Variants in EFCAB11 observed in about 807,000 individuals in gnomAD.
The protein encoded by EFCAB11 is EF-hand calcium-binding domain-containing protein 11.
EFCAB11 carries 14 observed loss-of-function variants against 23.0 expected under a neutral mutation model. That is an observed-to-expected ratio of 0.61 (90% CI 0.40 to 0.95). The LOEUF (loss-of-function observed/expected upper bound fraction) is 0.95, where lower values mean the gene tolerates loss of function less well. Among genes scored for constraint, EFCAB11 ranks in the 40% least tolerant of loss-of-function variants. EFCAB11 has a pLI of 0.00. For synonymous variants in EFCAB11, 65 were observed against 66.6 expected (o/e 0.98, Z 0.11); for missense variants, 198 against 195.8 (o/e 1.01, Z -0.07).
At chr14:89,808,814 A>G (rs965484897) in intron 5 of EFCAB11, among the ~76,000 whole-genome samples, 3 of 152,238 alleles carry the variant, frequency 2.0e-5, no homozygotes, top group African/African-American at 7.2e-5. Context: ...AGAGAATTTC[A>G]GTCTAAAGAG....
At chr14:89,940,692 A>G (rs1268142252) in intron 3 of EFCAB11, among the ~76,000 whole-genome samples, 1 of 152,270 alleles carries the variant, frequency 6.6e-6, no homozygotes, top group Non-Finnish European at 1.5e-5. Context: ...TGGCAATAGT[A>G]TAAGGAAACA....
chr14:89,853,649 T>C (rs550253784), intron 5 of EFCAB11, among the ~76,000 whole-genome samples: 1 of 152,336 alleles, frequency 6.6e-6, no homozygotes, highest in African/African-American at 2.4e-5. Flanking sequence ...ATAAAAGGGA[T>C]ACCAAGAATA....
At chr14:89,843,975 T>A (rs1566781149) in intron 5 of EFCAB11, among the ~76,000 whole-genome samples, 1 of 152,220 alleles carries the variant, frequency 6.6e-6, no homozygotes, top group Non-Finnish European at 1.5e-5. Context: ...TGTCAGTTGT[T>A]TTCCTTGAAA....
intron 5 of EFCAB11, among the ~76,000 whole-genome samples, chr14:89,898,257 T>C (rs771064088): frequency 3.9e-5 from 6 of 152,190 alleles, no homozygotes; most frequent in African/African-American, 1.2e-4. Context: ...CACATGCTCT[T>C]TGAGGCTCTT....
chr14:89,952,139 T>C (rs760863311), intron 2 of EFCAB11, among the ~76,000 whole-genome samples: 3 of 152,178 alleles, frequency 2.0e-5, no homozygotes, highest in South Asian at 2.1e-4. Flanking sequence ...AAGTTCATTG[T>C]ACAAATGACT....
At chr14:89,892,054 G>T (rs1888988193) in intron 5 of EFCAB11, 3 of 1,539,552 alleles carry the variant, frequency 1.9e-6, no homozygotes, top group South Asian at 2.4e-5. Flanking sequence ...GGAATGTGGT[G>T]GGTGTCCTGC....
chr14:89,953,835 T>C, intron 2 of EFCAB11, 71 bp downstream of exon 2: 2 of 1,288,118 alleles, frequency 1.6e-6, no homozygotes, highest in East Asian at 2.3e-5. Context: ...AAGCTAGCCC[T>C]GTGAACTTTT....
rs1251256117 is a variant in EFCAB11, at chr14:89,795,683, GTTTATT to G, written c.*1554_*1559del. 1 of 151,900 alleles carries G rather than the reference GTTTATT, an allele frequency of 6.6e-6. No individual in the cohort carries two copies. Among genetic ancestry groups the G allele is most frequent in the East Asian group, 1.9e-4 (1 of 5,172 alleles). The allele number at this position is 151,900 out of a possible 1,614,324, so 9.4% of individuals were successfully genotyped here. A position where few individuals can be genotyped will look rare whatever the true frequency, so the allele number is the denominator to read the frequency against. The stretch of plus-strand genomic sequence containing the variant: ...TCTGTCTCAAAAAAAACCCGCAAAC[GTTTATT>G]TTTATTAAGGTTATCTGCTAATAAT... On this transcript the variant is annotated 3_prime_UTR_variant, in exon 6 of 6. Transcript: ENST00000316738.
chr14:89,922,696 CTG>C (rs1890059255), intron 5 of EFCAB11, among the ~76,000 whole-genome samples: 1 of 152,140 alleles, frequency 6.6e-6, no homozygotes, highest in Non-Finnish European at 1.5e-5. Flanking sequence ...ACCTACAAAA[CTG>C]TGCTACGGGT....
At chr14:89,928,182 T>C (rs1016822398) in intron 5 of EFCAB11, among the ~76,000 whole-genome samples, 1 of 152,204 alleles carries the variant, frequency 6.6e-6, no homozygotes, top group Non-Finnish European at 1.5e-5. Context: ...AAGTACAAGA[T>C]TTGTGGGCAT....
Position 89,931,930 on chromosome 14 carries a change from G to T in EFCAB11, c.320-299C>A, listed in dbSNP as rs562237677. 2.0e-5 allele frequency among the ~76,000 whole-genome samples: 3 copies of T among 152,248 alleles called. No homozygotes were observed. The East Asian group carries it at 5.8e-4, about 29-fold the overall frequency. On this transcript the variant is annotated intron_variant, in intron 4 of 5. Transcript: ENST00000316738. ...ATATAGAGACATGCACTCTAACAAC[G>T]GTGTTAGACTTTGAGTCTTTGCGAG... is the stretch of plus-strand genomic sequence containing the variant.
chr14:89,832,727 A>C (rs1886925700), intron 5 of EFCAB11, among the ~76,000 whole-genome samples: 1 of 152,216 alleles, frequency 6.6e-6, no homozygotes. Flanking sequence ...ATTTAACACA[A>C]AGCCTAGTTT....
chr14:89,900,593 C>T (rs377452117), intron 5 of EFCAB11, among the ~76,000 whole-genome samples: 64 of 152,292 alleles, frequency 4.2e-4, no homozygotes, highest in Middle Eastern at 3.4e-3. Flanking sequence ...CAGAACCTTC[C>T]GGAACACAGC....
chr14:89,936,557 C>G (rs1300081455), intron 3 of EFCAB11, among the ~76,000 whole-genome samples: 1 of 152,168 alleles, frequency 6.6e-6, no homozygotes, highest in Non-Finnish European at 1.5e-5. Flanking sequence ...TTCTTAAAGT[C>G]CATACTCTAG....
intron 5 of EFCAB11, among the ~76,000 whole-genome samples, chr14:89,878,324 T>A (rs375735374): frequency 6.6e-6 from 1 of 152,194 alleles, no homozygotes; most frequent in African/African-American, 2.4e-5. Flanking sequence ...TGGGATGAAT[T>A]AATTTACTTG....
intron 3 of EFCAB11, among the ~76,000 whole-genome samples, chr14:89,935,488 C>A (rs1448570022): frequency 1.3e-5 from 2 of 150,848 alleles, no homozygotes; most frequent in East Asian, 3.9e-4. Context: ...CCACAGCGCA[C>A]TGCAGCCTCA....
Position 89,950,127 on chromosome 14 carries a change from C to T in EFCAB11, c.187G>A (p.Val63Met). 6.4e-7 allele frequency: 1 copy of T among 1,558,110 alleles called. No individual in the cohort carries two copies. The change falls in exon 3 of 6, where the codon GTG becomes ATG. Residue 63 changes from valine (V) to methionine (M), a missense_variant. Val to Met is a conservative substitution (Grantham distance 21). Transcript: ENST00000316738. ...YKPSKIEVDS[V>M]MSSINPNTSG... ...GTATTTGGATTTATTGAAGACATCA[C>T]AGAATCCACTTCTATCTAGAAAAGA...
chr14:89,870,000 C>G (rs370021756), intron 5 of EFCAB11, among the ~76,000 whole-genome samples: 1 of 152,204 alleles, frequency 6.6e-6, no homozygotes, highest in East Asian at 1.9e-4. Flanking sequence ...CTTGAAGAAT[C>G]CTTCTTTCTC....
intron 5 of EFCAB11, among the ~76,000 whole-genome samples, chr14:89,801,364 T>C (rs550060637): frequency 8.0e-4 from 122 of 152,220 alleles, no homozygotes; most frequent in African/African-American, 2.8e-3. Flanking sequence ...GGGCTGAAGA[T>C]TGAGTCAGGA....
Sources: gnomAD v4.1 joint callset for allele counts (sites outside exome capture counted in the v4.1 genomes callset) on GRCh38, gnomAD v4.1.1 for gene constraint, MANE v1.5 for transcripts, NCBI Gene and HGNC (gene_info 2026-07-23, HGNC 2026-07-21) for gene names.